Variants in SLC6A3 observed in about 807,000 individuals in gnomAD.
SLC6A3 encodes the protein solute carrier family 6 member 3.
Under a neutral mutation model 70.4 loss-of-function variants are expected in SLC6A3, and 19 were observed. The ratio of observed to expected loss-of-function variants is 0.27; its 90% CI spans 0.19 to 0.40. The LOEUF (loss-of-function observed/expected upper bound fraction) is 0.40, where lower values mean the gene tolerates loss of function less well. Among genes scored for constraint, SLC6A3 ranks in the 10% least tolerant of loss-of-function variants. The pLI is 1.00. For synonymous variants in SLC6A3, 368 were observed against 356.6 expected (o/e 1.03, Z -0.36); for missense variants, 613 against 838.5 (o/e 0.73, Z 3.32).
intron 3 of SLC6A3, among the ~76,000 whole-genome samples, chr5:1,440,825 T>C (rs1227794045): frequency 1.3e-5 from 2 of 152,238 alleles, no homozygotes; most frequent in Non-Finnish European, 2.9e-5. Context: ...ACCTTGATCT[T>C]GGACTTCCAG....
chr5:1,418,936 TCATCCATC>T (rs534519642), intron 6 of SLC6A3, among the ~76,000 whole-genome samples: 2 of 147,170 alleles, frequency 1.4e-5, no homozygotes, highest in South Asian at 2.2e-4. Context: ...CATCCATTCA[TCATCCATC>T]CATCCATCCA....
rs912121560 is a variant in SLC6A3, at chr5:1,437,765, T to C, written c.418+3594A>G. 2.6e-5 allele frequency among the ~76,000 whole-genome samples: 4 copies of C among 152,220 alleles called. No individual in the cohort carries two copies. Among genetic ancestry groups the C allele is most frequent in the African/African-American group, 9.6e-5 (4 of 41,458 alleles). ...AAGGGCCAGGAACAACCAGGCTTCCTGGAGAGCTGGCTTCATTCCCCCATG... is the reference window on the plus strand; with the variant it reads ...AAGGGCCAGGAACAACCAGGCTTCCCGGAGAGCTGGCTTCATTCCCCCATG... On this transcript the variant is annotated intron_variant, in intron 3 of 14. Coordinates refer to ENST00000270349, the MANE Select transcript of SLC6A3 (RefSeq NM_001044.5). The surrounding 1 kb of genome is among the most constrained non-coding windows in gnomAD (Gnocchi z 4.8).
chr5:1,440,991 A>G (rs1254484824), intron 3 of SLC6A3, among the ~76,000 whole-genome samples: 1 of 152,258 alleles, frequency 6.6e-6, no homozygotes, highest in Non-Finnish European at 1.5e-5. Flanking sequence ...ATTGATATAA[A>G]GACCAATAAT....
intron 5 of SLC6A3, 138 bp from the exon 6 acceptor site, chr5:1,420,841 C>A: frequency 1.1e-6 from 1 of 875,992 alleles, no homozygotes; most frequent in Non-Finnish European, 1.9e-6. Context: ...TCCTGGGACG[C>A]CAGCTCAGCA....
At chr5:1,400,724 GC>G (rs1482367387) in intron 14 of SLC6A3, among the ~76,000 whole-genome samples, 190 bp downstream of exon 14, 1 of 152,160 alleles carries the variant, frequency 6.6e-6, no homozygotes, top group South Asian at 2.1e-4. Context: ...TGCGTCATGT[GC>G]CCCCCGTCCC....
chr5:1,398,360 C>CAAAA (rs57135183), intron 14 of SLC6A3, among the ~76,000 whole-genome samples: 1,114 of 69,012 alleles, frequency 0.016, 28 homozygotes, highest in African/African-American at 0.051. Context: ...GACTCCACCT[C>CAAAA]AAAAAAAAAA....
At position 1,438,702 on chromosome 5, in the gene SLC6A3, G is replaced by A. The variant is rs1015117081; in HGVS notation, c.418+2657C>T. Among the ~76,000 whole-genome samples the A allele has an allele frequency of 1.3e-5, 2 of 152,212 alleles. No homozygotes were observed. Among genetic ancestry groups the A allele is most frequent in the African/African-American group, 4.8e-5 (2 of 41,446 alleles). On this transcript the variant is annotated intron_variant, in intron 3 of 14. Coordinates refer to ENST00000270349, the MANE Select transcript of SLC6A3 (RefSeq NM_001044.5). This position sits in a 1 kb window ranked among gnomAD's most constrained non-coding sequence, Gnocchi z 6.5. ...TCACCTGAATCCTGCACGTGAAGAG[G>A]TGATTTAACTTGCTCCAACACCAGG...
chr5:1,401,281 G>A lies in SLC6A3; in HGVS notation c.1768-295C>T, dbSNP rs1044069093. The A allele has an allele frequency of 2.4e-5, 15 of 620,366 alleles. No individual in the cohort carries two copies. Among genetic ancestry groups the A allele is most frequent in the Middle Eastern group, 2.5e-4 (1 of 4,000 alleles). The allele number at this position is 620,366 out of a possible 1,614,324, so 38.4% of individuals were successfully genotyped here. A position where few individuals can be genotyped will look rare whatever the true frequency, so the allele number is the denominator to read the frequency against. ...TTGAGCACTCGCTTGAAAATAAAAC[G>A]TGGTCCTGGAGATGGCTCTTGAGTC... On this transcript the variant is annotated intron_variant, in intron 13 of 14. Transcript: ENST00000270349. The surrounding 1 kb of genome is among the most constrained non-coding windows in gnomAD (Gnocchi z 6.1).
Position 1,402,624 on chromosome 5 carries a change from C to T in SLC6A3, c.1767+298G>A, listed in dbSNP as rs1360795934. On this transcript the variant is annotated intron_variant, in intron 13 of 14. Transcript: ENST00000270349. This position sits in a 1 kb window ranked among gnomAD's most constrained non-coding sequence, Gnocchi z 8.5. ...GACAGCACATACAGACACAGAGATA[C>T]AGTGGATGTACACACAGGCACAAGC... 6.6e-6 allele frequency among the ~76,000 whole-genome samples: 1 copy of T among 152,176 alleles called. No homozygotes were observed. The highest frequency in any genetic ancestry group is 1.5e-5 in the Non-Finnish European group (1 of 68,026).
At chr5:1,426,373 AC>A (rs1255924805) in intron 4 of SLC6A3, among the ~76,000 whole-genome samples, 2 of 152,236 alleles carry the variant, frequency 1.3e-5, no homozygotes, top group East Asian at 3.9e-4. Context: ...ACCCCACTTT[AC>A]AAAAAATTTT....
intron 8 of SLC6A3, among the ~76,000 whole-genome samples, chr5:1,414,046 G>A (rs893047307): frequency 4.6e-5 from 7 of 152,264 alleles, no homozygotes; most frequent in South Asian, 2.1e-4. Context: ...GTCATGCGTC[G>A]GCCTGGGGAG....
At chr5:1,414,208 C>A (rs1756198075) in intron 8 of SLC6A3, among the ~76,000 whole-genome samples, 1 of 151,866 alleles carries the variant, frequency 6.6e-6, no homozygotes, top group African/African-American at 2.4e-5. Flanking sequence ...CACCGCGTGG[C>A]AAGCAAACAT....
chr5:1,424,500 C>T (rs566739651), intron 4 of SLC6A3, among the ~76,000 whole-genome samples: 3 of 152,354 alleles, frequency 2.0e-5, no homozygotes, highest in South Asian at 2.1e-4. Context: ...GCATGCCACC[C>T]GCCCACGCCT....
rs377060741 is a variant in SLC6A3, at chr5:1,411,114, G to A, written c.1269+129C>T. On this transcript the variant is annotated intron_variant, in intron 9 of 14. Transcript: ENST00000270349. This position sits in a 1 kb window ranked among gnomAD's most constrained non-coding sequence, Gnocchi z 6.5. Reference sequence around the variant, plus strand: ...CCAAATAATCACGGGGCTCGCCCAAGTCAAGGACAGGAGGTCTGGGGGCCG... The same window carrying A: ...CCAAATAATCACGGGGCTCGCCCAAATCAAGGACAGGAGGTCTGGGGGCCG... 3,012 of 716,260 alleles carry A rather than the reference G, an allele frequency of 4.2e-3. 102 individuals are homozygous for A. The South Asian group carries it at 0.042, about 10-fold the overall frequency. 44.4% of individuals were successfully genotyped at this position (716,260 alleles called of 1,614,324 possible).
chr5:1,414,605 T>C lies in SLC6A3; in HGVS notation c.1156+86A>G, dbSNP rs540437624. ...GTCGCTCAGGGCCCATGCGTCTCCT[T>C]CCTCTTTCACAAGGAAAAAGGCTTT... On this transcript the variant is annotated intron_variant, in intron 8 of 14. Transcript: ENST00000270349. 2.4e-4 allele frequency: 353 copies of C among 1,501,172 alleles called. 4 individuals carry two copies. In the South Asian group the frequency reaches 3.9e-3, roughly 17 times the overall value. The allele number at this position is 1,501,172 out of a possible 1,614,324, so 93.0% of individuals were successfully genotyped here.
At chr5:1,395,961 G>A (rs537534431) in intron 14 of SLC6A3, among the ~76,000 whole-genome samples, 17 of 152,328 alleles carry the variant, frequency 1.1e-4, no homozygotes, top group African/African-American at 3.1e-4. Context: ...CACTCTAAGT[G>A]AGTCCCCAGA....
At chr5:1,399,856 G>A (rs756713776) in intron 14 of SLC6A3, among the ~76,000 whole-genome samples, 12 of 152,180 alleles carry the variant, frequency 7.9e-5, no homozygotes, top group South Asian at 2.1e-4. Context: ...CCTGCTCAGC[G>A]TCTTGTTCTG....
rs1755924643 is a variant in SLC6A3, at chr5:1,404,491, C to T, written c.1600-1402G>A. On this transcript the variant is annotated intron_variant, in intron 12 of 14. Transcript: ENST00000270349. The surrounding 1 kb of genome is among the most constrained non-coding windows in gnomAD (Gnocchi z 5.2). Reference sequence around the variant, plus strand: ...CCTTTCTTAGAAAGAACTATGCCTCCCCAGGCCACAGTCTGCCCATGTAAG... The same window carrying T: ...CCTTTCTTAGAAAGAACTATGCCTCTCCAGGCCACAGTCTGCCCATGTAAG... 6.6e-6 allele frequency among the ~76,000 whole-genome samples: 1 copy of T among 152,326 alleles called. No homozygotes were observed. The highest frequency in any genetic ancestry group is 1.5e-5 in the Non-Finnish European group (1 of 68,026).
In SLC6A3 at chr5:1,401,045, C is replaced by T; in HGVS notation, c.1768-59G>A. 1.5e-6 allele frequency: 2 copies of T among 1,310,320 alleles called. No individual in the cohort carries two copies. Among genetic ancestry groups the T allele is most frequent in the African/African-American group, 2.9e-5 (2 of 68,664 alleles). The allele number at this position is 1,310,320 out of a possible 1,614,324, so 81.2% of individuals were successfully genotyped here. On this transcript the variant is annotated intron_variant, in intron 13 of 14. Transcript: ENST00000270349. This position sits in a 1 kb window ranked among gnomAD's most constrained non-coding sequence, Gnocchi z 6.1. ...GACCAGTACCCACTGCCAGCACCCACCACTGACTCACACTGCCAGGACCCT... is the reference window on the plus strand; with the variant it reads ...GACCAGTACCCACTGCCAGCACCCATCACTGACTCACACTGCCAGGACCCT...
Sources: allele counts gnomAD v4.1 joint callset (sites outside exome capture counted in the v4.1 genomes callset), GRCh38; gene constraint gnomAD v4.1.1; non-coding constraint Gnocchi (gnomAD v3.1); transcripts MANE v1.5; gene names NCBI Gene and HGNC (gene_info 2026-07-23, HGNC 2026-07-21).